Variants in PLCXD3 observed in about 807,000 individuals in gnomAD.
PLCXD3 encodes phosphatidylinositol specific phospholipase C X domain containing 3, also known as PI-PLC X domain-containing protein 3.
Under a neutral mutation model 25.5 loss-of-function variants are expected in PLCXD3, and 19 were observed. The observed-to-expected ratio is 0.75, with a 90% CI of 0.52 to 1.09. PLCXD3 has a LOEUF of 1.09. Among genes scored for constraint, PLCXD3 ranks in the 50% least tolerant of loss-of-function variants. The probability of loss-of-function intolerance (pLI) is 0.00; values close to 1 mark genes in which losing one functional copy is unlikely to be tolerated. For synonymous variants in PLCXD3, 174 were observed against 137.6 expected (o/e 1.26, Z -1.85); for missense variants, 411 against 388.1 (o/e 1.06, Z -0.50).
chr5:41,427,006 A>G (rs1746973753), intron 1 of PLCXD3, among the ~76,000 whole-genome samples: 1 of 152,120 alleles, frequency 6.6e-6, no homozygotes, highest in Non-Finnish European at 1.5e-5. Flanking sequence ...TTTATTCTTT[A>G]TAAATTATCA....
rs544875752 is a variant in PLCXD3 at position 41,493,782 on chromosome 5, C to T, written c.103+16642G>A. ...CTCCTGGTGCGCCGTTTTTTAAGCC[C>T]GTCGGAAAAGCGCAGTATTGGGGTG... is the stretch of plus-strand genomic sequence containing the variant. On this transcript the variant is annotated intron_variant, in intron 1 of 2. Transcript: ENST00000377801. Among the ~76,000 whole-genome samples, 332 of 152,318 alleles carry T rather than the reference C, an allele frequency of 2.2e-3. 1 individual carries two copies. The highest frequency in any genetic ancestry group is 7.4e-3 in the African/African-American group (308 of 41,574).
intron 1 of PLCXD3, among the ~76,000 whole-genome samples, chr5:41,396,420 A>G (rs10068649): frequency 0.9 from 136,945 of 152,248 alleles, 61,977 homozygotes; most frequent in Middle Eastern, 0.93. Context: ...CCTCTCAGCC[A>G]TGCTTCATTT....
rs77981780 is a variant in PLCXD3 at position 41,310,292 on chromosome 5, A to G, written c.*3325T>C. On this transcript the variant is annotated 3_prime_UTR_variant, in exon 3 of 3. Coordinates refer to ENST00000377801, the MANE Select transcript of PLCXD3 (RefSeq NM_001005473.3). ...CTTGAAAATTACAGACAGGAAATCA[A>G]ACTTAAAAATGATCTCTTTGCATAT... The G allele has an allele frequency of 2.0e-3, 304 of 152,308 alleles. 1 individual carries two copies. Among genetic ancestry groups the G allele is most frequent in the African/African-American group, 6.9e-3 (288 of 41,568 alleles). 9.4% of individuals were successfully genotyped at this position (152,308 alleles called of 1,614,324 possible). A position where few individuals can be genotyped will look rare whatever the true frequency, so the allele number is the denominator to read the frequency against.
intron 2 of PLCXD3, among the ~76,000 whole-genome samples, chr5:41,370,494 T>A (rs1218496578): frequency 1.3e-5 from 2 of 152,188 alleles, no homozygotes; most frequent in Non-Finnish European, 2.9e-5. Flanking sequence ...CCTAGAGTGA[T>A]GTTAGTTAGT....
chr5:41,502,681 C>T (rs1382119495), intron 1 of PLCXD3, among the ~76,000 whole-genome samples: 2 of 152,096 alleles, frequency 1.3e-5, no homozygotes, highest in East Asian at 1.9e-4. Flanking sequence ...AGTCCAGTCA[C>T]CCAAACCGCG....
At chr5:41,457,553 G>C (rs1264779335) in intron 1 of PLCXD3, among the ~76,000 whole-genome samples, 1 of 151,878 alleles carries the variant, frequency 6.6e-6, no homozygotes, top group African/African-American at 2.4e-5. Flanking sequence ...ATGTACCTGT[G>C]ACCAGCGCCT....
chr5:41,352,312 A>G (rs896939316), intron 2 of PLCXD3, among the ~76,000 whole-genome samples: 1 of 152,182 alleles, frequency 6.6e-6, no homozygotes, highest in Non-Finnish European at 1.5e-5. Flanking sequence ...ACTTGCATAT[A>G]GTATTCTTTC....
At chr5:41,498,807 C>T (rs1032243847) in intron 1 of PLCXD3, among the ~76,000 whole-genome samples, 3 of 151,550 alleles carry the variant, frequency 2.0e-5, no homozygotes, top group Admixed American at 6.6e-5. Context: ...TCATACACCA[C>T]GATTAAGTGG....
At chr5:41,359,589 T>C (rs148396079) in intron 2 of PLCXD3, among the ~76,000 whole-genome samples, 1 of 152,338 alleles carries the variant, frequency 6.6e-6, no homozygotes, top group East Asian at 1.9e-4. Flanking sequence ...TCATTTCTAA[T>C]TGAACTTATT....
At chr5:41,421,682 A>C (rs898889535) in intron 1 of PLCXD3, among the ~76,000 whole-genome samples, 1 of 152,286 alleles carries the variant, frequency 6.6e-6, no homozygotes, top group Non-Finnish European at 1.5e-5. Flanking sequence ...GCCTGGGCGA[A>C]AGAGCGAGAC....
chr5:41,341,743 TTTACATCTC>T lies in PLCXD3; in HGVS notation c.813-27982_813-27974del, dbSNP rs570711043. 1.7e-4 allele frequency among the ~76,000 whole-genome samples: 26 copies of T among 152,312 alleles called. No homozygotes were observed. In the South Asian group the frequency reaches 3.1e-3, roughly 18 times the overall value. ...AAAAAAAAAGTTCTTATCACTTATT[TTTACATCTC>T]TTGGAATCTCCCCGTGTTGCTAATC... is the stretch of plus-strand genomic sequence containing the variant. On this transcript the variant is annotated intron_variant, in intron 2 of 2. Transcript: ENST00000377801.
intron 1 of PLCXD3, among the ~76,000 whole-genome samples, chr5:41,469,381 A>C (rs902578589): frequency 2.6e-5 from 4 of 152,150 alleles, no homozygotes; most frequent in Non-Finnish European, 4.4e-5. Flanking sequence ...GCTATCTAAA[A>C]TGAGTTTGGA....
At chr5:41,424,500 A>G (rs889988096) in intron 1 of PLCXD3, among the ~76,000 whole-genome samples, 1 of 152,162 alleles carries the variant, frequency 6.6e-6, no homozygotes, top group African/African-American at 2.4e-5. Context: ...AGATCGTGCC[A>G]CTGCACTCCA....
At chr5:41,496,403 C>T (rs1477863000) in intron 1 of PLCXD3, among the ~76,000 whole-genome samples, 5 of 151,664 alleles carry the variant, frequency 3.3e-5, no homozygotes, top group Non-Finnish European at 7.4e-5. Flanking sequence ...AATACCAAGA[C>T]AAATTATAAT....
chr5:41,476,632 T>C (rs1030421132), intron 1 of PLCXD3, among the ~76,000 whole-genome samples: 1 of 152,208 alleles, frequency 6.6e-6, no homozygotes, highest in Non-Finnish European at 1.5e-5. Context: ...TCCCAGACTT[T>C]GTTCATGTGC....
At chr5:41,443,373 T>C (rs879654910) in intron 1 of PLCXD3, among the ~76,000 whole-genome samples, 4 of 152,106 alleles carry the variant, frequency 2.6e-5, no homozygotes, top group Non-Finnish European at 5.9e-5. Context: ...GGGCATACCA[T>C]CTAGGTTAGT....
chr5:41,480,476 G>A (rs1394500162), intron 1 of PLCXD3, among the ~76,000 whole-genome samples: 1 of 151,400 alleles, frequency 6.6e-6, no homozygotes, highest in Non-Finnish European at 1.5e-5. Context: ...GCAGCCAGGG[G>A]TTGGGTACAG....
At chr5:41,444,569 A>C (rs1561275496) in intron 1 of PLCXD3, among the ~76,000 whole-genome samples, 1 of 152,182 alleles carries the variant, frequency 6.6e-6, no homozygotes, top group African/African-American at 2.4e-5. Flanking sequence ...CAAATGATTC[A>C]GGTCCTGTAA....
intron 2 of PLCXD3, among the ~76,000 whole-genome samples, chr5:41,332,820 C>T (rs1743865979): frequency 6.6e-6 from 1 of 152,218 alleles, no homozygotes; most frequent in Non-Finnish European, 1.5e-5. Flanking sequence ...TGGAAATCAT[C>T]ATTCTCAGTA....
Sources: gnomAD v4.1 joint callset for allele counts (sites outside exome capture counted in the v4.1 genomes callset) on GRCh38, gnomAD v4.1.1 for gene constraint, MANE v1.5 for transcripts, NCBI Gene and HGNC (gene_info 2026-07-23, HGNC 2026-07-21) for gene names.